Variants in RGS7 observed in about 807,000 individuals in gnomAD.
RGS7 encodes regulator of G protein signaling 7.
In RGS7, 27 loss-of-function variants were observed where a neutral mutation model predicts 81.1. The observed-to-expected ratio is 0.33, with a 90% confidence interval of 0.25 to 0.46. The LOEUF (loss-of-function observed/expected upper bound fraction) is 0.46, where lower values mean the gene tolerates loss of function less well. Ranked by LOEUF, RGS7 falls within the 20% of genes least tolerant of loss-of-function variation. The pLI, the probability that RGS7 is intolerant of heterozygous loss-of-function variation, is 1.00. For synonymous variants in RGS7, 208 were observed against 207.7 expected, an observed-to-expected ratio of 1.00 and a Z score of -0.01; for missense variants, 396 against 607.4, an observed-to-expected ratio of 0.65 and a Z score of 3.66.
chr1:241,078,211 C>A (rs1220064042), intron 3 of RGS7, among the ~76,000 whole-genome samples: 1 of 147,380 alleles, frequency 6.8e-6, no homozygotes, highest in South Asian at 2.1e-4. Flanking sequence ...GGAGAGAGAT[C>A]AGAGGAGCAC....
intron 6 of RGS7, among the ~76,000 whole-genome samples, chr1:240,900,594 G>T (rs1490205199): frequency 6.6e-6 from 1 of 152,140 alleles, no homozygotes; most frequent in African/African-American, 2.4e-5. Flanking sequence ...CACCAGCTGA[G>T]GCTACACAAC....
At chr1:241,152,540 C>T (rs970906971) in intron 2 of RGS7, among the ~76,000 whole-genome samples, 3 of 152,130 alleles carry the variant, frequency 2.0e-5, no homozygotes, top group Non-Finnish European at 2.9e-5. Flanking sequence ...ATTGTGCAGG[C>T]GTAGGTCTTG....
chr1:241,007,972 G>A (rs1336769060), intron 3 of RGS7, among the ~76,000 whole-genome samples: 1 of 152,148 alleles, frequency 6.6e-6, no homozygotes, highest in Non-Finnish European at 1.5e-5. Context: ...GAGGAAGTAA[G>A]AAAATTGTTA....
At chr1:241,063,733 C>A (rs927439686) in intron 3 of RGS7, among the ~76,000 whole-genome samples, 1 of 151,736 alleles carries the variant, frequency 6.6e-6, no homozygotes, top group Non-Finnish European at 1.5e-5. Context: ...CTATTATGTA[C>A]CAAGCACTGC....
At chr1:241,132,909 C>A (rs2067221765) in intron 2 of RGS7, among the ~76,000 whole-genome samples, 2 of 151,908 alleles carry the variant, frequency 1.3e-5, no homozygotes, top group South Asian at 4.1e-4. Flanking sequence ...ATTACAGGTG[C>A]CCACCACCAA....
At chr1:240,893,853 C>T (rs1401311743) in intron 6 of RGS7, among the ~76,000 whole-genome samples, 2 of 152,114 alleles carry the variant, frequency 1.3e-5, no homozygotes, top group Non-Finnish European at 2.9e-5. Context: ...TTTAATTCCA[C>T]TTTGACTTGA....
rs147042687 is a variant in RGS7, at chr1:241,023,787, C to T, written c.176-40658G>A. 2.2e-3 allele frequency among the ~76,000 whole-genome samples: 338 copies of T among 152,216 alleles called. 1 individual carries two copies. The highest frequency in any genetic ancestry group is 7.9e-3 in the African/African-American group (327 of 41,534). ...CAAGATGTAGTTTCACTCTTGTTGC[C>T]CAGGCTGCAGTGCAATGGCGCGATC... On this transcript the variant is annotated intron_variant, in intron 3 of 18. Transcript: ENST00000440928.
In RGS7 at chr1:241,059,574, G is replaced by A. The variant is rs866481417; in HGVS notation, c.175+39092C>T. On this transcript the variant is annotated intron_variant, in intron 3 of 18. Transcript: ENST00000440928. ...ACAGCAATTTTAGACATAATTTTTCGTTTGTGGATGAGTGATACATGAACT... is the reference window on the plus strand; with the variant it reads ...ACAGCAATTTTAGACATAATTTTTCATTTGTGGATGAGTGATACATGAACT... 4.6e-5 allele frequency among the ~76,000 whole-genome samples: 7 copies of A among 152,082 alleles called. No individual in the cohort carries two copies. In the Middle Eastern group the frequency reaches 0.01, roughly 222 times the overall value.
At chr1:241,048,738 A>G (rs1007887541) in intron 3 of RGS7, among the ~76,000 whole-genome samples, 2 of 152,074 alleles carry the variant, frequency 1.3e-5, no homozygotes, top group African/African-American at 4.8e-5. Context: ...TTTTCATCCC[A>G]TTCTTATGCA....
intron 3 of RGS7, among the ~76,000 whole-genome samples, chr1:241,053,324 G>T (rs889574172): frequency 6.6e-6 from 1 of 152,162 alleles, no homozygotes; most frequent in Non-Finnish European, 1.5e-5. Context: ...TACAGGCCTT[G>T]CACTCTTTAT....
chr1:240,849,874 G>C (rs1211369405), intron 9 of RGS7, among the ~76,000 whole-genome samples: 3 of 152,202 alleles, frequency 2.0e-5, no homozygotes, highest in Non-Finnish European at 2.9e-5. Flanking sequence ...TTATAGCAAT[G>C]CAAGAATGGT....
At chr1:241,347,758 C>T (rs939144830) in intron 2 of RGS7, among the ~76,000 whole-genome samples, 1 of 152,084 alleles carries the variant, frequency 6.6e-6, no homozygotes, top group Non-Finnish European at 1.5e-5. Context: ...GAGTCACTCA[C>T]TTCAGACCAC....
chr1:241,049,808 T>C (rs925156943), intron 3 of RGS7, among the ~76,000 whole-genome samples: 2 of 152,166 alleles, frequency 1.3e-5, no homozygotes, highest in African/African-American at 4.8e-5. Flanking sequence ...GTTTAATGTA[T>C]CTGGTTTGTC....
chr1:241,317,582 C>T (rs922382567), intron 2 of RGS7, among the ~76,000 whole-genome samples: 6 of 152,218 alleles, frequency 3.9e-5, no homozygotes, highest in Admixed American at 6.5e-5. Flanking sequence ...CAAGGTCTCA[C>T]TGAGAACCCA....
intron 4 of RGS7, among the ~76,000 whole-genome samples, chr1:240,968,286 G>T (rs1682657832): frequency 6.6e-6 from 1 of 152,214 alleles, no homozygotes; most frequent in African/African-American, 2.4e-5. Context: ...CGGGCATTCA[G>T]TAGAAGCAAA....
intron 2 of RGS7, among the ~76,000 whole-genome samples, chr1:241,111,376 T>A (rs554725410): frequency 2.0e-5 from 3 of 152,310 alleles, no homozygotes; most frequent in South Asian, 4.1e-4. Flanking sequence ...TAAATGTTGA[T>A]CCACACTATC....
At chr1:241,000,142 G>T (rs1687915728) in intron 3 of RGS7, among the ~76,000 whole-genome samples, 1 of 152,132 alleles carries the variant, frequency 6.6e-6, no homozygotes, top group Non-Finnish European at 1.5e-5. Flanking sequence ...TGGAGAAGTG[G>T]GGTGTTATTA....
intron 2 of RGS7, among the ~76,000 whole-genome samples, chr1:241,183,744 C>G (rs915135317): frequency 1.2e-4 from 19 of 152,128 alleles, no homozygotes; most frequent in African/African-American, 4.3e-4. Context: ...GAAAGAGGCT[C>G]TATGTAGTAA....
intron 2 of RGS7, among the ~76,000 whole-genome samples, chr1:241,116,462 C>G (rs2065892168): frequency 6.6e-6 from 1 of 152,140 alleles, no homozygotes; most frequent in Non-Finnish European, 1.5e-5. Context: ...CTAGCAGGCT[C>G]TGGCTGCTGG....
Sources: gnomAD v4.1 joint callset for allele counts (sites outside exome capture counted in the v4.1 genomes callset) on GRCh38, gnomAD v4.1.1 for gene constraint, MANE v1.5 for transcripts, NCBI Gene and HGNC (gene_info 2026-07-23, HGNC 2026-07-21) for gene names.